The following HYAL4 variants were observed in gnomAD, a reference collection of about 807,000 sequenced individuals.
HYAL4 encodes the protein hyaluronidase-4.
Under a neutral mutation model 35.2 loss-of-function variants are expected in HYAL4, and 37 were observed. The ratio of observed to expected loss-of-function variants is 1.05; its 90% CI spans 0.81 to 1.38. The LOEUF is 1.38. Among genes scored for constraint, HYAL4 ranks in the 40% most tolerant of loss-of-function variants. The pLI, the probability that HYAL4 is intolerant of heterozygous loss-of-function variation, is 0.00. For missense variants in HYAL4, 572 were observed against 572.4 expected, an observed-to-expected ratio of 1.00 and a Z score of 0.01; for synonymous variants, 198 against 203.2, an observed-to-expected ratio of 0.97 and a Z score of 0.22.
intron 2 of HYAL4, among the ~76,000 whole-genome samples, chr7:123,867,745 C>T (rs911163174): frequency 5.3e-5 from 8 of 152,108 alleles, no homozygotes; most frequent in Non-Finnish European, 1.2e-4. Flanking sequence ...ATCACCTTGC[C>T]TTCCATATAA....
At chr7:123,809,855 T>C in the HYAL4 span, among the ~76,000 whole-genome samples, 1 of 152,160 alleles carries the variant, frequency 6.6e-6, no homozygotes, top group Non-Finnish European at 1.5e-5. Context: ...CAAGTGTCCC[T>C]TCCATTAACA....
At chr7:123,767,655 C>G in the HYAL4 span, among the ~76,000 whole-genome samples, 2 of 152,162 alleles carry the variant, frequency 1.3e-5, no homozygotes, top group Non-Finnish European at 2.9e-5. Context: ...TTGTCCTGAC[C>G]AGAGTCATGT....
chr7:123,793,436 A>G, the HYAL4 span, among the ~76,000 whole-genome samples: 1 of 152,184 alleles, frequency 6.6e-6, no homozygotes, highest in Non-Finnish European at 1.5e-5. Context: ...ACTATCTGAT[A>G]TGGTTTTGCT....
the HYAL4 span, among the ~76,000 whole-genome samples, chr7:123,764,066 T>C: frequency 6.6e-6 from 1 of 152,196 alleles, no homozygotes; most frequent in Admixed American, 6.5e-5. Context: ...CATGCAGCCT[T>C]GAACTCCTTG....
At chr7:123,827,223 G>A (rs1197759033), upstream of HYAL4, among the ~76,000 whole-genome samples, 1 of 152,084 alleles carries the variant, frequency 6.6e-6, no homozygotes, top group Admixed American at 6.6e-5. Flanking sequence ...AAGATGAACA[G>A]GAGCCAGTAA....
At chr7:123,847,516 G>A (rs890010025) in intron 1 of HYAL4, among the ~76,000 whole-genome samples, 3 of 152,000 alleles carry the variant, frequency 2.0e-5, no homozygotes, top group East Asian at 1.9e-4. Context: ...GGTGGTTTAC[G>A]CCTGTAATCC....
At chr7:123,776,295 A>G in the HYAL4 span, among the ~76,000 whole-genome samples, 1 of 152,172 alleles carries the variant, frequency 6.6e-6, no homozygotes, top group African/African-American at 2.4e-5. Context: ...AGCTTTATGC[A>G]TGGGAGCCTG....
At chr7:123,842,188 T>C (rs982820856), upstream of HYAL4, among the ~76,000 whole-genome samples, 2 of 152,230 alleles carry the variant, frequency 1.3e-5, no homozygotes, top group South Asian at 2.1e-4. Context: ...GAGATTCTGA[T>C]ACATGTTGTC....
chr7:123,862,945 C>T (rs997004249), intron 2 of HYAL4, among the ~76,000 whole-genome samples: 2 of 152,268 alleles, frequency 1.3e-5, no homozygotes, highest in African/African-American at 4.8e-5. Flanking sequence ...GCTCCTTTTA[C>T]CTAGTCACTG....
chr7:123,768,344 T>C, the HYAL4 span, among the ~76,000 whole-genome samples: 1 of 152,214 alleles, frequency 6.6e-6, no homozygotes, highest in East Asian at 1.9e-4. Flanking sequence ...GTTGATATAA[T>C]TTAAGTATCT....
Position 123,832,476 on chromosome 7 carries a change from ATACTTTTTTTTTTTTTTTTT to A in HYAL4, c.-257+3354_-257+3373del, listed in dbSNP as rs1805899146. 6.8e-5 allele frequency among the ~76,000 whole-genome samples: 4 copies of A among 58,442 alleles called. No homozygotes were observed. The Admixed American group carries it at 7.1e-4, about 10-fold the overall frequency. The allele number at this position is 58,442 out of a possible 152,430, so 38.3% of individuals were successfully genotyped here. On this transcript the variant is annotated intron_variant, in intron 1 of 4. Coordinates refer to the HYAL4 transcript ENST00000489978. The stretch of plus-strand genomic sequence containing the variant: ...CTGAGTCCCCAAAGTCTATTGTGTC[ATACTTTTTTTTTTTTTTTTT>A]TTTTTTTTTTTTTTTTTTTTTGAGA...
chr7:123,857,287 C>T (rs1484945187), intron 2 of HYAL4, among the ~76,000 whole-genome samples: 2 of 152,126 alleles, frequency 1.3e-5, no homozygotes, highest in Non-Finnish European at 2.9e-5. Context: ...CAGTTTTGTG[C>T]TTGAAACCCA....
chr7:123,794,626 C>A, the HYAL4 span, among the ~76,000 whole-genome samples: 1 of 152,210 alleles, frequency 6.6e-6, no homozygotes, highest in Non-Finnish European at 1.5e-5. Context: ...CAAGCCTTGG[C>A]AGCTTACATG....
chr7:123,812,169 A>G, the HYAL4 span, among the ~76,000 whole-genome samples: 2 of 152,092 alleles, frequency 1.3e-5, no homozygotes, highest in Non-Finnish European at 2.9e-5. Flanking sequence ...AATGTGTGGA[A>G]TTATGTTGCT....
the HYAL4 span, among the ~76,000 whole-genome samples, chr7:123,767,545 A>G: frequency 9.9e-5 from 15 of 152,226 alleles, no homozygotes; most frequent in Non-Finnish European, 1.6e-4. Context: ...AAGCTTAGCA[A>G]TAATTTCAGG....
At chr7:123,819,756 C>T in the HYAL4 span, among the ~76,000 whole-genome samples, 1 of 152,044 alleles carries the variant, frequency 6.6e-6, no homozygotes, top group Non-Finnish European at 1.5e-5. Flanking sequence ...AAAATAAAAC[C>T]TCCTCTGCAG....
intron 2 of HYAL4, among the ~76,000 whole-genome samples, chr7:123,853,347 C>T (rs913258998): frequency 5.3e-5 from 8 of 152,184 alleles, no homozygotes; most frequent in African/African-American, 1.9e-4. Flanking sequence ...TTTGCCCATT[C>T]AGTATGATAT....
At chr7:123,796,626 C>G in the HYAL4 span, among the ~76,000 whole-genome samples, 5 of 152,082 alleles carry the variant, frequency 3.3e-5, no homozygotes, top group Admixed American at 2.6e-4. Context: ...CACATAAAAA[C>G]TTGTACACTA....
chr7:123,860,211 A>C (rs1474155249), intron 2 of HYAL4, among the ~76,000 whole-genome samples: 1 of 152,134 alleles, frequency 6.6e-6, no homozygotes, highest in African/African-American at 2.4e-5. Flanking sequence ...CATGATTGTA[A>C]GTTTCCTGAG....
Sources: allele counts gnomAD v4.1 joint callset (sites outside exome capture counted in the v4.1 genomes callset), GRCh38; gene constraint gnomAD v4.1.1; transcripts MANE v1.5; gene names NCBI Gene and HGNC (gene_info 2026-07-23, HGNC 2026-07-21).